Variants in SPOCK1 observed in about 807,000 individuals in gnomAD.
SPOCK1 encodes testican-1.
A neutral mutation model predicts 55.3 loss-of-function variants in SPOCK1; 23 were observed. The observed-to-expected ratio is 0.42, with a 90% CI of 0.30 to 0.59. The LOEUF is 0.59. SPOCK1 is among the 20% of genes least tolerant of loss of function. SPOCK1 has a pLI of 0.22. For synonymous variants in SPOCK1, 226 were observed against 221.0 expected, an observed-to-expected ratio of 1.02 and a Z score of -0.20; for missense variants, 499 against 552.5, an observed-to-expected ratio of 0.90 and a Z score of 0.97.
intron 6 of SPOCK1, among the ~76,000 whole-genome samples, chr5:137,023,932 G>C (rs1008065549): frequency 6.7e-6 from 1 of 149,722 alleles, no homozygotes; most frequent in African/African-American, 2.4e-5. Context: ...TGGTGAAATT[G>C]GATCTAATTA....
intron 3 of SPOCK1, among the ~76,000 whole-genome samples, chr5:137,199,396 G>A (rs953994606): frequency 7.2e-5 from 11 of 151,964 alleles, no homozygotes; most frequent in Non-Finnish European, 1.3e-4. Flanking sequence ...TCTTAAGTTC[G>A]GGCTGGTTAG....
intron 1 of SPOCK1, among the ~76,000 whole-genome samples, chr5:137,498,965 C>T (rs1024007639): frequency 4.0e-5 from 6 of 151,894 alleles, no homozygotes; most frequent in Non-Finnish European, 2.9e-5. Context: ...GCTCCAGCAG[C>T]ACCCGAGCTC....
chr5:137,410,757 G>C (rs1752193534), intron 2 of SPOCK1, among the ~76,000 whole-genome samples: 2 of 152,174 alleles, frequency 1.3e-5, no homozygotes. Flanking sequence ...GCTCTCCAAT[G>C]GACACCACCC....
chr5:137,494,593 A>G (rs1754258391), intron 2 of SPOCK1, among the ~76,000 whole-genome samples: 1 of 152,246 alleles, frequency 6.6e-6, no homozygotes, highest in Middle Eastern at 3.2e-3. Flanking sequence ...TATTTCTGCA[A>G]TGTTTTAATC....
At chr5:137,087,182 C>A (rs183002304) in intron 5 of SPOCK1, among the ~76,000 whole-genome samples, 2 of 152,158 alleles carry the variant, frequency 1.3e-5, no homozygotes, top group African/African-American at 4.8e-5. Flanking sequence ...TTCTTTCCCT[C>A]CCATCTGATG....
rs543996215 is a variant in SPOCK1, at chr5:137,067,642, G to C, written c.589+73C>G. 17 of 1,315,944 alleles carry C rather than the reference G, an allele frequency of 1.3e-5. No homozygotes were observed. The South Asian group carries it at 1.9e-4, about 15-fold the overall frequency. 81.5% of individuals were successfully genotyped at this position (1,315,944 alleles called of 1,614,324 possible). ...CAGTTTGTTCCTAGTGCCTGGGACA[G>C]AGCTCGGCCACATCAACCCTCTGTG... On this transcript the variant is annotated intron_variant, in intron 6 of 10. Transcript: ENST00000394945.
chr5:137,354,773 TA>T, intron 2 of SPOCK1, among the ~76,000 whole-genome samples: 1 of 152,304 alleles, frequency 6.6e-6, no homozygotes, highest in Non-Finnish European at 1.5e-5. Flanking sequence ...TTCCCTGCTG[TA>T]TCCCAGCACC....
intron 2 of SPOCK1, among the ~76,000 whole-genome samples, chr5:137,350,919 T>C (rs1229729): frequency 0.43 from 65,388 of 151,848 alleles, 14,395 homozygotes; most frequent in East Asian, 0.59. Flanking sequence ...GACATGAGTT[T>C]CTATTTTATC....
intron 2 of SPOCK1, among the ~76,000 whole-genome samples, chr5:137,331,990 T>C (rs1758193842): frequency 6.6e-6 from 1 of 152,102 alleles, no homozygotes; most frequent in South Asian, 2.1e-4. Context: ...CTAACCCAGA[T>C]CACATCGCTC....
rs148303263 is a variant in SPOCK1, at chr5:137,169,678, A to G, written c.233-28984T>C. Among the ~76,000 whole-genome samples, 103 of 152,334 alleles carry G rather than the reference A, an allele frequency of 6.8e-4. 1 individual carries two copies. Among genetic ancestry groups the G allele is most frequent in the African/African-American group, 2.0e-3 (84 of 41,602 alleles). On this transcript the variant is annotated intron_variant, in intron 3 of 10. Coordinates refer to ENST00000394945, the MANE Select transcript of SPOCK1 (RefSeq NM_004598.4). ...AACATTTAGAGAACATCAACTATGT[A>G]TCAGAAAATACAGGTGGTTTCACAT... is the stretch of plus-strand genomic sequence containing the variant.
chr5:137,394,679 T>C lies in SPOCK1; in HGVS notation c.186+103694A>G, dbSNP rs1188941541. Among the ~76,000 whole-genome samples the C allele has an allele frequency of 2.6e-5, 4 of 152,182 alleles. No individual in the cohort carries two copies. The East Asian group carries it at 7.7e-4, about 29-fold the overall frequency. Reference sequence around the variant, plus strand: ...CAATAAGTGCTCAATAAATATTCCCTGAGCTGAACCAGGAGGCAGAGACCA... The same window carrying C: ...CAATAAGTGCTCAATAAATATTCCCCGAGCTGAACCAGGAGGCAGAGACCA... On this transcript the variant is annotated intron_variant, in intron 2 of 10. Coordinates refer to ENST00000394945, the MANE Select transcript of SPOCK1 (RefSeq NM_004598.4).
At chr5:137,301,785 T>C (rs1223921219) in intron 2 of SPOCK1, among the ~76,000 whole-genome samples, 2 of 151,930 alleles carry the variant, frequency 1.3e-5, no homozygotes, top group African/African-American at 4.8e-5. Flanking sequence ...GCAGAGACAA[T>C]TTACAGAATA....
At chr5:137,085,194 G>A (rs1235135578) in intron 5 of SPOCK1, among the ~76,000 whole-genome samples, 1 of 152,154 alleles carries the variant, frequency 6.6e-6, no homozygotes, top group Non-Finnish European at 1.5e-5. Context: ...GGGCTGTCTG[G>A]AGATGCCCCA....
At chr5:137,072,360 T>C (rs1442258048) in intron 5 of SPOCK1, among the ~76,000 whole-genome samples, 1 of 152,182 alleles carries the variant, frequency 6.6e-6, no homozygotes, top group African/African-American at 2.4e-5. Context: ...AACATATTAT[T>C]ATAAATACAA....
At chr5:137,402,820 T>C (rs968837682) in intron 2 of SPOCK1, among the ~76,000 whole-genome samples, 1 of 152,228 alleles carries the variant, frequency 6.6e-6, no homozygotes, top group African/African-American at 2.4e-5. Flanking sequence ...TTATGGATCC[T>C]ACACAGTGCA....
chr5:137,434,399 C>G (rs1292513469), intron 2 of SPOCK1, among the ~76,000 whole-genome samples: 1 of 149,874 alleles, frequency 6.7e-6, no homozygotes, highest in Non-Finnish European at 1.5e-5. Flanking sequence ...CACACTCAAA[C>G]TATATTAGAT....
chr5:137,383,868 A>G (rs1751534841), intron 2 of SPOCK1, among the ~76,000 whole-genome samples: 1 of 152,210 alleles, frequency 6.6e-6, no homozygotes, highest in African/African-American at 2.4e-5. Context: ...ATTTAAAATG[A>G]AGCTCCCGGT....
chr5:137,019,991 C>T (rs1751535472), intron 6 of SPOCK1, among the ~76,000 whole-genome samples: 1 of 151,736 alleles, frequency 6.6e-6, no homozygotes, highest in Admixed American at 6.6e-5. Context: ...TAAGTTTAGG[C>T]TCTGACAAGT....
chr5:137,327,864 G>A (rs1003924500), intron 2 of SPOCK1, among the ~76,000 whole-genome samples: 3 of 152,158 alleles, frequency 2.0e-5, no homozygotes, highest in African/African-American at 7.2e-5. Context: ...TTCCTAACAT[G>A]GGAAATAATC....
Sources: allele counts gnomAD v4.1 joint callset (sites outside exome capture counted in the v4.1 genomes callset), GRCh38; gene constraint gnomAD v4.1.1; transcripts MANE v1.5; gene names NCBI Gene and HGNC (gene_info 2026-07-23, HGNC 2026-07-21).